AGAP1: variants seen among roughly 807,000 people sequenced by gnomAD.
AGAP1 encodes the protein ArfGAP with GTPase domain, ankyrin repeat and PH domain 1, also known as arf-GAP with GTPase, ANK repeat and PH domain-containing protein 1.
In AGAP1, 29 loss-of-function variants were observed where a neutral mutation model predicts 105.3. The ratio of observed to expected loss-of-function variants is 0.28; its 90% CI spans 0.21 to 0.38. The LOEUF is 0.38. Among genes scored for constraint, AGAP1 ranks in the 10% least tolerant of loss-of-function variants. The pLI is 1.00. For synonymous variants in AGAP1, 509 were observed against 485.9 expected, an observed-to-expected ratio of 1.05 and a Z score of -0.63; for missense variants, 998 against 1,165.1, an observed-to-expected ratio of 0.86 and a Z score of 2.09.
intron 3 of AGAP1, 119 bp downstream of exon 3, chr2:235,717,763 A>G (rs1951192078): frequency 1.2e-6 from 1 of 853,256 alleles, no homozygotes; most frequent in Admixed American, 3.2e-5. Context: ...AAAACATACC[A>G]AGCGGTAAAA....
intron 10 of AGAP1, among the ~76,000 whole-genome samples, chr2:235,907,886 A>G (rs1487852358): frequency 2.0e-5 from 3 of 152,114 alleles, no homozygotes; most frequent in African/African-American, 7.2e-5. Context: ...TTAACGTGTG[A>G]TATCAAGTAA....
chr2:235,634,469 G>A (rs532153650), intron 1 of AGAP1, among the ~76,000 whole-genome samples: 1 of 152,332 alleles, frequency 6.6e-6, no homozygotes, highest in African/African-American at 2.4e-5. Context: ...GGGAGCTGGA[G>A]CTTAGAAGCT....
chr2:235,749,220 GAAA>G (rs71036291), intron 5 of AGAP1, among the ~76,000 whole-genome samples: 1 of 89,848 alleles, frequency 1.1e-5, no homozygotes, highest in Non-Finnish European at 2.5e-5. Flanking sequence ...TAAAAAAAAA[GAAA>G]AAAAAAGCTG....
At chr2:235,846,921 C>T (rs1242880716) in intron 9 of AGAP1, among the ~76,000 whole-genome samples, 1 of 152,200 alleles carries the variant, frequency 6.6e-6, no homozygotes, top group Non-Finnish European at 1.5e-5. Flanking sequence ...AGCCACTGCG[C>T]CTGGTCTGGT....
chr2:235,511,204 T>G (rs1942093062), intron 1 of AGAP1, among the ~76,000 whole-genome samples: 1 of 151,690 alleles, frequency 6.6e-6, no homozygotes, highest in South Asian at 2.1e-4. Context: ...GAGCCCCAGG[T>G]CAGATGAGCT....
intron 6 of AGAP1, among the ~76,000 whole-genome samples, chr2:235,762,676 C>T (rs1276515888): frequency 1.6e-4 from 25 of 152,076 alleles, no homozygotes; most frequent in Non-Finnish European, 8.8e-5. Flanking sequence ...AAGACCAGAC[C>T]GGCCAACATG....
rs371181654 is a variant in AGAP1, at chr2:235,571,975, TACAC to T, written c.163+77151_163+77154del. On this transcript the variant is annotated intron_variant, in intron 1 of 17. Transcript: ENST00000304032. ...GTGTGTGTGTATACATATATATGTA[TACAC>T]ACACACACACACACACACACACACT... 6.8e-3 allele frequency among the ~76,000 whole-genome samples: 536 copies of T among 79,030 alleles called. 7 individuals are homozygous for T. Among genetic ancestry groups the T allele is most frequent in the East Asian group, 0.033 (71 of 2,130 alleles). The allele number at this position is 79,030 out of a possible 152,430, so 51.8% of individuals were successfully genotyped here.
In AGAP1 at chr2:235,701,519, A is replaced by G. The variant is rs973851110; in HGVS notation, c.164-7660A>G. Among the ~76,000 whole-genome samples the G allele has an allele frequency of 1.3e-5, 2 of 152,100 alleles. No individual in the cohort carries two copies. Among genetic ancestry groups the G allele is most frequent in the African/African-American group, 4.8e-5 (2 of 41,408 alleles). ...GGATGGGAAACTGTCTTGTCTGTGG[A>G]TCTTTGAGGCTGCTGAAAAGGATCT... is the stretch of plus-strand genomic sequence containing the variant. On this transcript the variant is annotated intron_variant, in intron 1 of 17. Coordinates refer to ENST00000304032, the MANE Select transcript of AGAP1 (RefSeq NM_001037131.3). This position sits in a 1 kb window ranked among gnomAD's most constrained non-coding sequence, Gnocchi z 4.1.
At position 236,038,076 on chromosome 2, in the gene AGAP1, T is replaced by C. The variant is rs2057435301; in HGVS notation, c.1800+1361T>C. 1.3e-5 allele frequency among the ~76,000 whole-genome samples: 2 copies of C among 152,226 alleles called. No homozygotes were observed. The highest frequency in any genetic ancestry group is 4.8e-5 in the African/African-American group (2 of 41,460). On this transcript the variant is annotated intron_variant, in intron 14 of 17. Coordinates refer to ENST00000304032, the MANE Select transcript of AGAP1 (RefSeq NM_001037131.3). This position sits in a 1 kb window ranked among gnomAD's most constrained non-coding sequence, Gnocchi z 4.5. ...CAGTCATTATTATTATAATGTAATT[T>C]GCTTCCCTTTTTAAAAGATGTTTTA...
chr2:235,980,793 G>A (rs1045388040), intron 13 of AGAP1, among the ~76,000 whole-genome samples: 10 of 152,198 alleles, frequency 6.6e-5, no homozygotes, highest in Non-Finnish European at 1.3e-4. Flanking sequence ...CTGCTACCCT[G>A]TGCCCAAAAG....
intron 16 of AGAP1, among the ~76,000 whole-genome samples, chr2:236,093,092 A>G (rs1227083757): frequency 6.6e-6 from 1 of 152,254 alleles, no homozygotes; most frequent in African/African-American, 2.4e-5. Context: ...AAAAAATGCC[A>G]ACCAGTAAAC....
intron 1 of AGAP1, among the ~76,000 whole-genome samples, chr2:235,613,099 C>T (rs1946193528): frequency 6.7e-6 from 1 of 150,290 alleles, no homozygotes; most frequent in Non-Finnish European, 1.5e-5. Flanking sequence ...ACGATCTCGG[C>T]TCAGTGTAAC....
chr2:235,704,962 CTTTTTTCTTTTTT>C lies in AGAP1; in HGVS notation c.164-4210_164-4198del, dbSNP rs1201200103. On this transcript the variant is annotated intron_variant, in intron 1 of 17. Coordinates refer to ENST00000304032, the MANE Select transcript of AGAP1 (RefSeq NM_001037131.3). The stretch of plus-strand genomic sequence containing the variant: ...AACGTCGATTGTAAAATACAAGATG[CTTTTTTCTTTTTT>C]TTTTTTTTTTTTTTTTTTTTTGCGA... Among the ~76,000 whole-genome samples the C allele has an allele frequency of 1.4e-4, 12 of 86,052 alleles. 1 individual carries two copies. Among genetic ancestry groups the C allele is most frequent in the East Asian group, 4.3e-4 (1 of 2,322 alleles). The allele number at this position is 86,052 out of a possible 152,430, so 56.5% of individuals were successfully genotyped here. A position where few individuals can be genotyped will look rare whatever the true frequency, so the allele number is the denominator to read the frequency against.
chr2:236,028,935 A>AT (rs1174185443), intron 13 of AGAP1, among the ~76,000 whole-genome samples: 5 of 151,752 alleles, frequency 3.3e-5, no homozygotes, highest in Non-Finnish European at 5.9e-5. Context: ...TCTCTTATTG[A>AT]TTTTTTTTCT....
rs1381591377 is a variant in AGAP1, at chr2:235,930,119, A to G, written c.1325-646A>G. On this transcript the variant is annotated intron_variant, in intron 11 of 17. Transcript: ENST00000304032. This position sits in a 1 kb window ranked among gnomAD's most constrained non-coding sequence, Gnocchi z 7.9. ...TGATGTTGAGCAACTGATTCAAATC[A>G]TTAAGTATACAATGGAATCATTTTT... is the stretch of plus-strand genomic sequence containing the variant. Among the ~76,000 whole-genome samples, 2 of 152,234 alleles carry G rather than the reference A, an allele frequency of 1.3e-5. No homozygotes were observed. Among genetic ancestry groups the G allele is most frequent in the Non-Finnish European group, 2.9e-5 (2 of 68,050 alleles).
At chr2:236,031,578 CAT>C (rs2057225247) in intron 13 of AGAP1, among the ~76,000 whole-genome samples, 1 of 152,116 alleles carries the variant, frequency 6.6e-6, no homozygotes, top group Non-Finnish European at 1.5e-5. Context: ...CCCTCCCAAT[CAT>C]GTGTGAGACG....
rs990133181 is a variant in AGAP1, at chr2:235,865,709, A to AG, written c.1051-17630dup. Among the ~76,000 whole-genome samples the AG allele has an allele frequency of 3.3e-5, 5 of 152,158 alleles. No individual in the cohort carries two copies. The highest frequency in any genetic ancestry group is 9.7e-5 in the African/African-American group (4 of 41,424). ...ATTACTATTTTAAAAAGCTCAGTTA[A>AG]GGGGGGATTCCTGCTGTTCCTATGG... is the stretch of plus-strand genomic sequence containing the variant. On this transcript the variant is annotated intron_variant, in intron 9 of 17. Transcript: ENST00000304032. This position sits in a 1 kb window ranked among gnomAD's most constrained non-coding sequence, Gnocchi z 6.2.
intron 6 of AGAP1, among the ~76,000 whole-genome samples, chr2:235,771,393 G>T (rs960353511): frequency 6.6e-6 from 1 of 152,150 alleles, no homozygotes; most frequent in African/African-American, 2.4e-5. Flanking sequence ...CCACACGTGG[G>T]CACAGCTGGG....
intron 14 of AGAP1, among the ~76,000 whole-genome samples, chr2:236,037,731 G>T (rs930168218): frequency 6.6e-6 from 1 of 152,136 alleles, no homozygotes; most frequent in African/African-American, 2.4e-5. Context: ...CTAGGCTACT[G>T]CCCAGTGATG....
Sources: gnomAD v4.1 joint callset for allele counts (sites outside exome capture counted in the v4.1 genomes callset) on GRCh38, gnomAD v4.1.1 for gene constraint, Gnocchi (gnomAD v3.1) non-coding constraint, MANE v1.5 for transcripts, NCBI Gene and HGNC (gene_info 2026-07-23, HGNC 2026-07-21) for gene names.